The following CNTN5 variants were observed in gnomAD, a reference collection of about 807,000 sequenced individuals.
CNTN5 encodes contactin-5.
CNTN5 carries 77 observed loss-of-function variants against 129.1 expected under a neutral mutation model. The ratio of observed to expected loss-of-function variants is 0.60; its 90% CI spans 0.50 to 0.72. The LOEUF (loss-of-function observed/expected upper bound fraction) is 0.72, where lower values mean the gene tolerates loss of function less well. Ranked by LOEUF, CNTN5 falls within the 30% of genes least tolerant of loss-of-function variation. The probability of loss-of-function intolerance (pLI) is 0.00; values close to 1 mark genes in which losing one functional copy is unlikely to be tolerated. For missense variants in CNTN5, 1,478 were observed against 1,328.8 expected (o/e 1.11, Z -1.75); for synonymous variants, 509 against 465.6 (o/e 1.09, Z -1.20).
At chr11:99,954,276 T>G (rs1950745359) in intron 7 of CNTN5, among the ~76,000 whole-genome samples, 1 of 152,230 alleles carries the variant, frequency 6.6e-6, no homozygotes, top group Non-Finnish European at 1.5e-5. Flanking sequence ...GTGGTCATTG[T>G]CTGCTGAAAT....
chr11:99,333,729 A>G (rs1397772423), intron 2 of CNTN5, among the ~76,000 whole-genome samples: 3 of 152,032 alleles, frequency 2.0e-5, no homozygotes, highest in African/African-American at 7.2e-5. Flanking sequence ...TAAGATTTCA[A>G]TGATGCATGG....
intron 8 of CNTN5, among the ~76,000 whole-genome samples, chr11:99,972,143 C>G (rs1413900637): frequency 2.0e-5 from 3 of 149,926 alleles, no homozygotes; most frequent in African/African-American, 4.9e-5. Context: ...TGCCTGTAGT[C>G]CCAGCTACTC....
intron 2 of CNTN5, among the ~76,000 whole-genome samples, chr11:99,408,677 C>T (rs1172098134): frequency 6.6e-6 from 1 of 152,062 alleles, no homozygotes; most frequent in Non-Finnish European, 1.5e-5. Context: ...AAAACATTAT[C>T]TTGCCCCATA....
At chr11:99,094,003 A>G (rs1320843622) in intron 1 of CNTN5, among the ~76,000 whole-genome samples, 1 of 151,994 alleles carries the variant, frequency 6.6e-6, no homozygotes. Flanking sequence ...AATATAATAT[A>G]GTAGAAATAT....
chr11:99,337,335 G>A (rs1272791945), intron 2 of CNTN5, among the ~76,000 whole-genome samples: 1 of 152,118 alleles, frequency 6.6e-6, no homozygotes, highest in African/African-American at 2.4e-5. Context: ...GTGGAAATCA[G>A]GGATCTCACA....
intron 13 of CNTN5, among the ~76,000 whole-genome samples, chr11:100,170,375 TAGTC>T (rs924695739): frequency 2.0e-4 from 30 of 152,166 alleles, no homozygotes; most frequent in Middle Eastern, 3.4e-3. Flanking sequence ...CTTCATAAGA[TAGTC>T]AGGCTATTAT....
At position 99,888,862 on chromosome 11, in the gene CNTN5, G is replaced by A. The variant is rs764586850; in HGVS notation, c.578-27192G>A. 4.1e-4 allele frequency among the ~76,000 whole-genome samples: 62 copies of A among 152,100 alleles called. 1 individual carries two copies. The highest frequency in any genetic ancestry group is 1.4e-3 in the Admixed American group (21 of 15,264). On this transcript the variant is annotated intron_variant, in intron 6 of 24. Coordinates refer to ENST00000524871, the MANE Select transcript of CNTN5 (RefSeq NM_014361.4). ...TTTGACACATTACTGCGTGACGCAG[G>A]GCAAATTTAATTTCTCTAAGTTTAC...
intron 8 of CNTN5, among the ~76,000 whole-genome samples, chr11:99,987,580 G>C (rs1031761405): frequency 3.3e-5 from 5 of 151,154 alleles, no homozygotes; most frequent in African/African-American, 1.2e-4. Context: ...TGCACAGAGA[G>C]AGAGGAAAGA....
At chr11:100,061,721 G>A (rs1054281946) in intron 10 of CNTN5, among the ~76,000 whole-genome samples, 5 of 152,114 alleles carry the variant, frequency 3.3e-5, no homozygotes, top group Non-Finnish European at 7.3e-5. Context: ...AACTTGGCCA[G>A]AATCAGAGGT....
At chr11:99,706,839 T>C (rs1954775848) in intron 3 of CNTN5, among the ~76,000 whole-genome samples, 1 of 132,478 alleles carries the variant, frequency 7.5e-6, no homozygotes. Flanking sequence ...TTGTGTCTGG[T>C]CTTTTTTTTT....
chr11:100,302,288 G>T (rs1309365519), intron 20 of CNTN5, among the ~76,000 whole-genome samples: 1 of 151,524 alleles, frequency 6.6e-6, no homozygotes, highest in Non-Finnish European at 1.5e-5. Context: ...TCTTGCCAGT[G>T]CAGGTTTCTC....
intron 16 of CNTN5, among the ~76,000 whole-genome samples, chr11:100,244,984 A>G (rs1288641449): frequency 6.6e-6 from 1 of 152,190 alleles, no homozygotes; most frequent in African/African-American, 2.4e-5. Flanking sequence ...TCCTTTATCA[A>G]CTAAAGGATT....
At chr11:100,019,988 GTTAT>G (rs1257175714) in intron 9 of CNTN5, among the ~76,000 whole-genome samples, 2 of 151,812 alleles carry the variant, frequency 1.3e-5, no homozygotes, top group South Asian at 2.1e-4. Context: ...TTCTCATGAA[GTTAT>G]TTGTTTTATT....
At chr11:99,162,845 A>G (rs1034003187) in intron 1 of CNTN5, among the ~76,000 whole-genome samples, 9 of 152,244 alleles carry the variant, frequency 5.9e-5, no homozygotes, top group Non-Finnish European at 1.2e-4. Flanking sequence ...ATGTGAAGAC[A>G]GGTAACTCCT....
chr11:99,358,648 A>C (rs1938884299), intron 2 of CNTN5, among the ~76,000 whole-genome samples: 1 of 152,274 alleles, frequency 6.6e-6, no homozygotes, highest in South Asian at 2.1e-4. Context: ...AATAAACTTA[A>C]AGGACACTGA....
At chr11:99,443,538 G>A (rs1291048846) in intron 2 of CNTN5, among the ~76,000 whole-genome samples, 1 of 152,140 alleles carries the variant, frequency 6.6e-6, no homozygotes, top group East Asian at 1.9e-4. Context: ...GCAAACTGAT[G>A]TCACTTCTCA....
At chr11:99,213,269 A>T (rs1321326354) in intron 1 of CNTN5, among the ~76,000 whole-genome samples, 4 of 145,954 alleles carry the variant, frequency 2.7e-5, no homozygotes, top group Non-Finnish European at 6.0e-5. Flanking sequence ...ATATATATAA[A>T]ATATATATAC....
chr11:99,156,803 G>C (rs926352249), intron 1 of CNTN5, among the ~76,000 whole-genome samples: 3 of 151,930 alleles, frequency 2.0e-5, no homozygotes, highest in African/African-American at 7.2e-5. Flanking sequence ...CATCAAAAGT[G>C]ATGTGGATAG....
At chr11:100,161,870 CACAAAACAA>C (rs1475714353) in intron 13 of CNTN5, among the ~76,000 whole-genome samples, 11 of 138,546 alleles carry the variant, frequency 7.9e-5, no homozygotes, top group African/African-American at 2.3e-4. Context: ...CACACACACA[CACAAAACAA>C]AAAACAAAAA....
Sources: allele counts gnomAD v4.1 joint callset (sites outside exome capture counted in the v4.1 genomes callset), GRCh38; gene constraint gnomAD v4.1.1; transcripts MANE v1.5; gene names NCBI Gene and HGNC (gene_info 2026-07-23, HGNC 2026-07-21).